Variants in CSE1L observed in about 807,000 individuals in gnomAD.
The protein encoded by CSE1L is exportin-2.
Under a neutral mutation model 120.4 loss-of-function variants are expected in CSE1L, and 24 were observed. The observed-to-expected ratio is 0.20, with a 90% CI of 0.14 to 0.28. The LOEUF (loss-of-function observed/expected upper bound fraction) is 0.28, where lower values mean the gene tolerates loss of function less well. Among genes scored for constraint, CSE1L ranks in the 10% least tolerant of loss-of-function variants. The pLI is 1.00. For synonymous variants in CSE1L, 402 were observed against 398.3 expected, an observed-to-expected ratio of 1.01 and a Z score of -0.11; for missense variants, 830 against 1,145.2, an observed-to-expected ratio of 0.72 and a Z score of 3.97.
chr20:49,055,520 C>G (rs2091799529), intron 1 of CSE1L, among the ~76,000 whole-genome samples: 1 of 152,058 alleles, frequency 6.6e-6, no homozygotes, highest in African/African-American at 2.4e-5. Flanking sequence ...AGTTCAAGAC[C>G]AGCCTGCGCA....
intron 22 of CSE1L, 121 bp from the exon 23 acceptor site, chr20:49,094,019 A>C (rs1008858990): frequency 6.4e-6 from 4 of 628,612 alleles, no homozygotes; most frequent in Non-Finnish European, 1.1e-5. Flanking sequence ...AGATGATCAA[A>C]AACAGCAGTC....
chr20:49,066,876 A>G (rs1490617561), intron 5 of CSE1L, among the ~76,000 whole-genome samples: 4 of 151,742 alleles, frequency 2.6e-5, no homozygotes, highest in African/African-American at 7.3e-5. Context: ...TAAAAATACA[A>G]AAAAAACTAG....
intron 6 of CSE1L, among the ~76,000 whole-genome samples, 175 bp downstream of exon 6, chr20:49,067,455 A>T (rs534003867): frequency 6.6e-6 from 1 of 152,334 alleles, no homozygotes; most frequent in East Asian, 1.9e-4. Context: ...ACTCCCATCT[A>T]TTATTACACA....
intron 23 of CSE1L, 91 bp from the exon 24 acceptor site, chr20:49,094,641 G>A: frequency 1.2e-6 from 1 of 829,320 alleles, no homozygotes; most frequent in Non-Finnish European, 2.0e-6. Context: ...GAGACTATGA[G>A]TCTGTAATTT....
Position 49,053,145 on chromosome 20 carries a change from CTCTTTTTTT to C in CSE1L, c.-11-5306_-11-5298del, listed in dbSNP as rs1467297785. ...GACAATACAGTGAGACCCCCTGTCT[CTCTTTTTTT>C]TTTTTTTTTTTTTTTTTAAAGACAA... is the stretch of plus-strand genomic sequence containing the variant. On this transcript the variant is annotated intron_variant, in intron 1 of 24. Coordinates refer to ENST00000262982, the MANE Select transcript of CSE1L (RefSeq NM_001316.4). Among the ~76,000 whole-genome samples, 3 of 102,624 alleles carry C rather than the reference CTCTTTTTTT, an allele frequency of 2.9e-5. No individual in the cohort carries two copies. The East Asian group carries it at 9.4e-4, about 32-fold the overall frequency. 67.3% of individuals were successfully genotyped at this position (102,624 alleles called of 152,430 possible).
chr20:49,085,069 T>G (rs2092044393), intron 15 of CSE1L, among the ~76,000 whole-genome samples: 1 of 152,192 alleles, frequency 6.6e-6, no homozygotes, highest in Middle Eastern at 3.2e-3. Flanking sequence ...AGCTGGCTTT[T>G]TGGTTCAGTT....
At position 49,096,360 on chromosome 20, in the gene CSE1L, G is replaced by A; in HGVS notation, c.2838G>A (p.Met946Ile). The A allele has an allele frequency of 1.2e-6, 2 of 1,613,914 alleles. No individual in the cohort carries two copies. Among genetic ancestry groups the A allele is most frequent in the Non-Finnish European group, 1.7e-6 (2 of 1,179,834 alleles). ...CCCATCTCTTGTAGGTTCCATCAAT[G>A]GTGAGCACCAGCCTGAATGCAGAAG... ...STACPGRVPS[M>I]VSTSLNAEAL... The change falls in exon 25 of 25, where the codon ATG (methionine) becomes ATA (isoleucine). Residue 946 changes from methionine (M) to isoleucine (I), a missense_variant. This residue lies in a region of CSE1L where 112 missense variants were observed against 200.0 expected (regional missense o/e 0.56). Coordinates refer to ENST00000262982, the MANE Select transcript of CSE1L (RefSeq NM_001316.4).
chr20:49,079,493 G>T (rs1334247630), intron 14 of CSE1L, among the ~76,000 whole-genome samples: 1 of 152,050 alleles, frequency 6.6e-6, no homozygotes, highest in Non-Finnish European at 1.5e-5. Context: ...CTCCCAAAGT[G>T]CTGGGATTAC....
At chr20:49,081,297 T>C (rs1455694193) in intron 14 of CSE1L, among the ~76,000 whole-genome samples, 2 of 152,036 alleles carry the variant, frequency 1.3e-5, no homozygotes, top group Admixed American at 1.3e-4. Flanking sequence ...ATTTCTTTAT[T>C]TTTTGAAACA....
At chr20:49,095,209 A>G (rs2092130725) in intron 24 of CSE1L, 3 of 625,552 alleles carry the variant, frequency 4.8e-6, no homozygotes, top group Non-Finnish European at 5.8e-6. Context: ...TCCCTTCAAT[A>G]GAAATGTAAT....
At chr20:49,092,278 A>G in intron 22 of CSE1L, 151 bp downstream of exon 22, 1 of 543,852 alleles carries the variant, frequency 1.8e-6, no homozygotes, top group Non-Finnish European at 3.2e-6. Context: ...TATTGGGAGT[A>G]AAGAAAAAGT....
rs192122237 is a variant in CSE1L, at chr20:49,068,973, C to T, written c.675+151C>T. 3.3e-5 allele frequency: 20 copies of T among 606,038 alleles called. No individual in the cohort carries two copies. In the East Asian group the frequency reaches 5.6e-4, roughly 17 times the overall value. 37.5% of individuals were successfully genotyped at this position (606,038 alleles called of 1,614,324 possible). On this transcript the variant is annotated intron_variant, in intron 7 of 24. Coordinates refer to ENST00000262982, the MANE Select transcript of CSE1L (RefSeq NM_001316.4). Reference sequence around the variant, plus strand: ...TATTTATCTATAGTGTTCTGTTCTACAGTAGTTCTTTCAGATGCTAATGAG... The same window carrying T: ...TATTTATCTATAGTGTTCTGTTCTATAGTAGTTCTTTCAGATGCTAATGAG...
chr20:49,059,617 C>A (rs866766885), intron 2 of CSE1L, among the ~76,000 whole-genome samples: 7 of 152,122 alleles, frequency 4.6e-5, no homozygotes, highest in African/African-American at 1.7e-4. Flanking sequence ...CGGTGGCTCA[C>A]GCTTGTAATC....
intron 10 of CSE1L, among the ~76,000 whole-genome samples, chr20:49,073,848 A>G (rs2123712840): frequency 6.6e-6 from 1 of 152,280 alleles, no homozygotes; most frequent in South Asian, 2.1e-4. Context: ...ATCTGGAACA[A>G]AATAAGGAAA....
intron 8 of CSE1L, among the ~76,000 whole-genome samples, chr20:49,071,460 G>A (rs1006487465): frequency 1.7e-4 from 26 of 152,156 alleles, no homozygotes; most frequent in African/African-American, 6.0e-4. Context: ...CAGTGTGAGG[G>A]AGTTTTGGTT....
At chr20:49,080,251 G>GTTTTTTTTT (rs1409553885) in intron 14 of CSE1L, among the ~76,000 whole-genome samples, 1 of 147,176 alleles carries the variant, frequency 6.8e-6, no homozygotes, top group Non-Finnish European at 1.5e-5. Flanking sequence ...TGGTTGTTTT[G>GTTTTTTTTT]TTTTTTTTTA....
chr20:49,058,631 A>C, intron 2 of CSE1L, 83 bp downstream of exon 2: 1 of 1,047,874 alleles, frequency 9.5e-7, no homozygotes, highest in Non-Finnish European at 1.4e-6. Context: ...CTCCTTATAA[A>C]TATATTTTAA....
At chr20:49,081,455 C>T (rs1349000494) in intron 14 of CSE1L, among the ~76,000 whole-genome samples, 1 of 152,158 alleles carries the variant, frequency 6.6e-6, no homozygotes, top group Non-Finnish European at 1.5e-5. Context: ...AGCCATATTG[C>T]ATTACTTTTA....
intron 10 of CSE1L, among the ~76,000 whole-genome samples, chr20:49,073,651 A>G (rs1253627970): frequency 6.6e-6 from 1 of 151,918 alleles, no homozygotes; most frequent in African/African-American, 2.4e-5. Flanking sequence ...ATGCTCAGCT[A>G]GTTTTTTATT....
Sources: allele counts gnomAD v4.1 joint callset (sites outside exome capture counted in the v4.1 genomes callset), GRCh38; gene constraint gnomAD v4.1.1; regional missense constraint gnomAD v4.1.1; transcripts MANE v1.5; gene names NCBI Gene and HGNC (gene_info 2026-07-23, HGNC 2026-07-21).